The following PPP2R5C variants were observed in gnomAD, a reference collection of about 807,000 sequenced individuals.
PPP2R5C encodes serine/threonine-protein phosphatase 2A 56 kDa regulatory subunit gamma isoform.
In PPP2R5C, 7 loss-of-function variants were observed where a neutral mutation model predicts 68.9. The ratio of observed to expected loss-of-function variants is 0.10; its 90% confidence interval spans 0.06 to 0.19. The LOEUF (loss-of-function observed/expected upper bound fraction) is 0.19. PPP2R5C is among the 10% of genes least tolerant of loss of function. PPP2R5C has a pLI of 1.00. For synonymous variants in PPP2R5C, 210 were observed against 222.2 expected (o/e 0.95, Z 0.49); for missense variants, 348 against 641.3 (o/e 0.54, Z 4.94).
At position 101,899,440 on chromosome 14, in the gene PPP2R5C, G is replaced by A. The variant is rs114041536; in HGVS notation, c.853-2279G>A. ...AGCAGCACACAGCCATTGTTGCCTC[G>A]GATTCACATTCCCTGAGTAGACACC... On this transcript the variant is annotated intron_variant, in intron 8 of 13. Transcript: ENST00000334743. This position sits in a 1 kb window ranked among gnomAD's most constrained non-coding sequence, Gnocchi z 4.2. Among the ~76,000 whole-genome samples the A allele has an allele frequency of 2.4e-3, 369 of 152,276 alleles. 2 individuals carry two copies. Among genetic ancestry groups the A allele is most frequent in the African/African-American group, 8.1e-3 (338 of 41,556 alleles).
chr14:101,889,900 C>G (rs1169741468), intron 5 of PPP2R5C: 2 of 465,570 alleles, frequency 4.3e-6, no homozygotes, highest in Non-Finnish European at 8.4e-6. Context: ...TGCGTGTGAT[C>G]AAGCAGATGG....
intron 5 of PPP2R5C, among the ~76,000 whole-genome samples, chr14:101,887,431 G>A (rs959503529): frequency 5.9e-5 from 9 of 152,204 alleles, no homozygotes; most frequent in African/African-American, 2.4e-5. Flanking sequence ...GGAGCCAGGA[G>A]CCACCGCCAG....
At chr14:101,885,533 C>G (rs1004624883) in intron 5 of PPP2R5C, among the ~76,000 whole-genome samples, 4 of 152,058 alleles carry the variant, frequency 2.6e-5, no homozygotes, top group Admixed American at 6.5e-5. Flanking sequence ...GAGCACCCTG[C>G]CTTTCCCCTC....
In PPP2R5C at chr14:101,899,737, A is replaced by C. The variant is rs117472517; in HGVS notation, c.853-1982A>C. Among the ~76,000 whole-genome samples the C allele has an allele frequency of 3.6e-3, 541 of 152,374 alleles. 7 individuals are homozygous for C. In the East Asian group the frequency reaches 0.036, roughly 10 times the overall value. Reference sequence around the variant, plus strand: ...CCTTAATAGTGATTCCAATACACGCAAAGTGTGGTAGGAACACAATAAATA... The same window carrying C: ...CCTTAATAGTGATTCCAATACACGCCAAGTGTGGTAGGAACACAATAAATA... On this transcript the variant is annotated intron_variant, in intron 8 of 13. Coordinates refer to ENST00000334743, the Ensembl canonical transcript of PPP2R5C. This position sits in a 1 kb window ranked among gnomAD's most constrained non-coding sequence, Gnocchi z 4.2.
At position 101,899,316 on chromosome 14, in the gene PPP2R5C, C is replaced by G. The variant is rs907632303; in HGVS notation, c.853-2403C>G. ...TCTACCAGGACAGGAAGGGGGCTCC[C>G]CAAGACTCAAGGCTGGGGCCACTGG... On this transcript the variant is annotated intron_variant, in intron 8 of 13. Transcript: ENST00000334743. The surrounding 1 kb of genome is among the most constrained non-coding windows in gnomAD (Gnocchi z 4.2). Among the ~76,000 whole-genome samples, 1 of 152,214 alleles carries G rather than the reference C, an allele frequency of 6.6e-6. No homozygotes were observed. Among genetic ancestry groups the G allele is most frequent in the Non-Finnish European group, 1.5e-5 (1 of 68,030 alleles).
At chr14:101,828,746 C>T (rs1378721190) in intron 1 of PPP2R5C, among the ~76,000 whole-genome samples, 1 of 149,092 alleles carries the variant, frequency 6.7e-6, no homozygotes, top group African/African-American at 2.5e-5. Context: ...GACACGATCT[C>T]GGCTCACTGC....
rs572508474 is a variant in PPP2R5C at position 101,789,711 on chromosome 14, C to T, written c.259+3528C>T. Reference sequence around the variant, plus strand: ...TTGTCACCAGCACTTTGTGAAGGTTCCTGGGGTGGCCTGGAGCAGCTTTTC... The same window carrying T: ...TTGTCACCAGCACTTTGTGAAGGTTTCTGGGGTGGCCTGGAGCAGCTTTTC... On this transcript the variant is annotated intron_variant, in intron 3 of 14. Transcript: ENST00000328724. The T allele has an allele frequency of 2.6e-5, 4 of 152,236 alleles. No homozygotes were observed. The East Asian group carries it at 7.7e-4, about 29-fold the overall frequency. The allele number at this position is 152,236 out of a possible 1,614,324, so 9.4% of individuals were successfully genotyped here.
chr14:101,875,181 G>A (rs1360053983), intron 2 of PPP2R5C, among the ~76,000 whole-genome samples: 1 of 152,190 alleles, frequency 6.6e-6, no homozygotes, highest in African/African-American at 2.4e-5. Flanking sequence ...CTATTTGGAG[G>A]TGAAATCGAT....
chr14:101,864,454 C>T (rs1025396310), intron 2 of PPP2R5C, among the ~76,000 whole-genome samples: 2 of 152,164 alleles, frequency 1.3e-5, no homozygotes, highest in African/African-American at 4.8e-5. Context: ...ACCTATATGG[C>T]ATCCACCCTT....
At chr14:101,762,097 C>G (rs1396966536) in intron 1 of PPP2R5C, among the ~76,000 whole-genome samples, 177 bp downstream of exon 1, 1 of 151,272 alleles carries the variant, frequency 6.6e-6, no homozygotes, top group East Asian at 2.0e-4. Flanking sequence ...GGCCTCATGC[C>G]CGGTGGGGGC....
At chr14:101,900,794 C>T (rs2045639795) in intron 8 of PPP2R5C, among the ~76,000 whole-genome samples, 2 of 152,236 alleles carry the variant, frequency 1.3e-5, no homozygotes, top group Admixed American at 1.3e-4. Context: ...AACTGGGAAA[C>T]CACTGCAGTC....
At chr14:101,816,872 A>T (rs1210683071) in intron 1 of PPP2R5C, among the ~76,000 whole-genome samples, 1 of 138,416 alleles carries the variant, frequency 7.2e-6, no homozygotes, top group African/African-American at 2.8e-5. Flanking sequence ...ATATTTATTT[A>T]TATATATATT....
intron 2 of PPP2R5C, among the ~76,000 whole-genome samples, chr14:101,767,818 G>C (rs1403278018): frequency 2.0e-5 from 3 of 152,238 alleles, no homozygotes; most frequent in African/African-American, 4.8e-5. Flanking sequence ...CTCAGCTCCC[G>C]AGCTTTGGGG....
Position 101,916,005 on chromosome 14 carries a change from C to T in PPP2R5C, c.1327-1826C>T, listed in dbSNP as rs1292914673. Among the ~76,000 whole-genome samples the T allele has an allele frequency of 6.6e-6, 1 of 152,016 alleles. No individual in the cohort carries two copies. The highest frequency in any genetic ancestry group is 1.5e-5 in the Non-Finnish European group (1 of 68,016). ...CAGGGACACAGTGGGTGACAGGTGTCGGTCCTGGTGGGGTGTCAGTTATGG... is the reference window on the plus strand; with the variant it reads ...CAGGGACACAGTGGGTGACAGGTGTTGGTCCTGGTGGGGTGTCAGTTATGG... On this transcript the variant is annotated intron_variant, in intron 12 of 13. Coordinates refer to ENST00000334743, the Ensembl canonical transcript of PPP2R5C. This position sits in a 1 kb window ranked among gnomAD's most constrained non-coding sequence, Gnocchi z 5.5.
At chr14:101,783,780 G>A (rs967551307) in intron 2 of PPP2R5C, among the ~76,000 whole-genome samples, 3 of 152,218 alleles carry the variant, frequency 2.0e-5, no homozygotes, top group African/African-American at 7.2e-5. Flanking sequence ...TGAGTGCTGG[G>A]CTGGCACTAT....
chr14:101,902,471 C>A (rs1480332925), intron 9 of PPP2R5C, among the ~76,000 whole-genome samples: 1 of 152,238 alleles, frequency 6.6e-6, no homozygotes, highest in Non-Finnish European at 1.5e-5. Context: ...CCTTCCCAGC[C>A]TGCCTGCCTC....
chr14:101,774,410 G>A (rs2037310885), intron 2 of PPP2R5C, among the ~76,000 whole-genome samples: 1 of 152,218 alleles, frequency 6.6e-6, no homozygotes, highest in Non-Finnish European at 1.5e-5. Flanking sequence ...CAGAGAAGGT[G>A]TGTGGGGATA....
intron 2 of PPP2R5C, among the ~76,000 whole-genome samples, chr14:101,865,346 G>A (rs2042989155): frequency 6.6e-6 from 1 of 152,102 alleles, no homozygotes; most frequent in South Asian, 2.1e-4. Flanking sequence ...TTCCTTCTTT[G>A]GGGCATCCCT....
intron 6 of PPP2R5C, 37 bp from the exon 9 acceptor site, chr14:101,892,963 C>G (rs760060939): frequency 7.1e-7 from 1 of 1,415,058 alleles, no homozygotes; most frequent in East Asian, 2.3e-5. Flanking sequence ...ACCTGGAATT[C>G]GTAAATGTTC....
Sources: allele counts gnomAD v4.1 joint callset (sites outside exome capture counted in the v4.1 genomes callset), GRCh38; gene constraint gnomAD v4.1.1; non-coding constraint Gnocchi (gnomAD v3.1); transcripts MANE v1.5; gene names NCBI Gene and HGNC (gene_info 2026-07-23, HGNC 2026-07-21).